The following ATRNL1 variants were observed in gnomAD, a reference collection of about 807,000 sequenced individuals.
ATRNL1 encodes attractin like 1.
A neutral mutation model predicts 182.7 loss-of-function variants in ATRNL1; 95 were observed. That is an observed-to-expected ratio of 0.52 (90% confidence interval 0.44 to 0.62). The LOEUF is 0.62. Among genes scored for constraint, ATRNL1 ranks in the 20% least tolerant of loss-of-function variants. The pLI, the probability that ATRNL1 is intolerant of heterozygous loss-of-function variation, is 0.00. For synonymous variants in ATRNL1, 576 were observed against 568.3 expected (o/e 1.01, Z -0.19); for missense variants, 1,471 against 1,679.5 (o/e 0.88, Z 2.17).
At chr10:115,489,679 A>G (rs1448430088) in intron 24 of ATRNL1, among the ~76,000 whole-genome samples, 1 of 152,066 alleles carries the variant, frequency 6.6e-6, no homozygotes, top group African/African-American at 2.4e-5. Flanking sequence ...ACTCTATCCA[A>G]TTTGCCAGTC....
intron 28 of ATRNL1, among the ~76,000 whole-genome samples, chr10:115,913,994 C>T (rs1384838071): frequency 6.6e-6 from 1 of 152,094 alleles, no homozygotes; most frequent in South Asian, 2.1e-4. Flanking sequence ...CTAATCCCCA[C>T]GTTTTGGGGG....
intron 26 of ATRNL1, among the ~76,000 whole-genome samples, chr10:115,616,517 G>A (rs1366774587): frequency 6.6e-6 from 1 of 152,148 alleles, no homozygotes; most frequent in Admixed American, 6.5e-5. Flanking sequence ...CCAAGACAAT[G>A]GGAAAAATTC....
At chr10:115,277,472 A>T (rs1223883356) in intron 13 of ATRNL1, among the ~76,000 whole-genome samples, 1 of 152,124 alleles carries the variant, frequency 6.6e-6, no homozygotes, top group East Asian at 1.9e-4. Flanking sequence ...AATAAATTTT[A>T]TCTATAGGAT....
At chr10:115,097,061 G>A (rs1270902304) in intron 1 of ATRNL1, among the ~76,000 whole-genome samples, 3 of 152,130 alleles carry the variant, frequency 2.0e-5, no homozygotes, top group South Asian at 2.1e-4. Context: ...AATTAATTTT[G>A]TAGAGTAGAG....
chr10:115,353,262 G>T (rs191254630), intron 19 of ATRNL1, among the ~76,000 whole-genome samples: 4 of 152,286 alleles, frequency 2.6e-5, no homozygotes, highest in Admixed American at 2.0e-4. Context: ...TTTTGTGCAA[G>T]AAATATTTGC....
Position 115,469,305 on chromosome 10 carries a change from CT to C in ATRNL1, c.3634del (p.Ser1212ProfsTer73). Reference protein sequence around the residue: ...NITFYVYVSNFSWPIKIQIAF... With the variant: ...NITFYVYVSNXSWPIKIQIAF... The stretch of plus-strand genomic sequence containing the variant: ...TTACATTCTATGTGTACGTCAGCAA[CT>C]TTTCCTGGCCTATTAAAATACAGGT... On this transcript the variant is annotated frameshift_variant, in exon 24 of 29. Transcript: ENST00000355044. LOFTEE classifies it high-confidence loss of function. The C allele has an allele frequency of 6.5e-7, 1 of 1,529,224 alleles. No homozygotes were observed. The highest frequency in any genetic ancestry group is 2.3e-5 in the Admixed American group (1 of 43,018). The allele number at this position is 1,529,224 out of a possible 1,614,324, so 94.7% of individuals were successfully genotyped here.
Position 115,215,733 on chromosome 10 carries a change from C to T in ATRNL1, c.1385C>T (p.Ala462Val). The change falls in exon 9 of 29, where the codon GCT (alanine) becomes GTT (valine). Residue 462 changes from alanine to valine, a missense_variant. Ala to Val is a moderately conservative substitution (Grantham distance 64). Around this residue, in one of 3 missense-constraint regions of ATRNL1, gnomAD observed 1,031 missense variants for 1,156.0 expected, o/e 0.89. Coordinates refer to ENST00000355044, the MANE Select transcript of ATRNL1 (RefSeq NM_207303.4). Reference protein sequence around the residue: ...NTWLVPETKGAIVQGGYGHTS... With the variant: ...NTWLVPETKGVIVQGGYGHTS... ...TGGCTTGTTCCAGAAACTAAAGGAGCTATTGTACAAGGTGGATATGGCCAT... is the reference window on the plus strand; with the variant it reads ...TGGCTTGTTCCAGAAACTAAAGGAGTTATTGTACAAGGTGGATATGGCCAT... 1 of 1,601,006 alleles carries T rather than the reference C, an allele frequency of 6.2e-7. No individual in the cohort carries two copies. The highest frequency in any genetic ancestry group is 8.5e-7 in the Non-Finnish European group (1 of 1,175,614).
chr10:115,118,615 T>A (rs1844593953), intron 1 of ATRNL1, among the ~76,000 whole-genome samples: 1 of 152,136 alleles, frequency 6.6e-6, no homozygotes. Context: ...AAGTGCCCTG[T>A]TGTTTCTTTG....
At chr10:115,389,953 G>A (rs923087436) in intron 19 of ATRNL1, among the ~76,000 whole-genome samples, 60 of 152,112 alleles carry the variant, frequency 3.9e-4, no homozygotes, top group African/African-American at 1.4e-3. Flanking sequence ...ATTAGTGATA[G>A]TGAACAGTTT....
intron 18 of ATRNL1, among the ~76,000 whole-genome samples, chr10:115,322,090 C>G (rs1042573704): frequency 2.6e-5 from 4 of 151,942 alleles, no homozygotes; most frequent in African/African-American, 9.7e-5. Flanking sequence ...TTAACATATA[C>G]ATTTTAACTT....
intron 27 of ATRNL1, among the ~76,000 whole-genome samples, chr10:115,792,866 G>A (rs1555082070): frequency 6.6e-6 from 1 of 151,668 alleles, no homozygotes; most frequent in East Asian, 1.9e-4. Context: ...AAATATAACT[G>A]AAATATCTAT....
intron 21 of ATRNL1, among the ~76,000 whole-genome samples, chr10:115,442,270 G>GCTCTCT (rs71895625): frequency 0.021 from 2,101 of 100,416 alleles, 137 homozygotes; most frequent in African/African-American, 0.081. Flanking sequence ...ATTTGTGTTT[G>GCTCTCT]CTCTCTCTCT....
intron 19 of ATRNL1, among the ~76,000 whole-genome samples, chr10:115,371,875 C>T (rs1245887502): frequency 2.0e-5 from 3 of 152,082 alleles, no homozygotes; most frequent in African/African-American, 4.8e-5. Flanking sequence ...TTGTAGCCCC[C>T]GTAATTCCCA....
chr10:115,765,840 C>T (rs1948844332), intron 27 of ATRNL1, among the ~76,000 whole-genome samples: 3 of 152,124 alleles, frequency 2.0e-5, no homozygotes, highest in Admixed American at 2.0e-4. Flanking sequence ...CTTGTAATGG[C>T]TGTATAGTGT....
chr10:115,934,077 C>T (rs1555122307), intron 28 of ATRNL1, among the ~76,000 whole-genome samples: 3 of 152,086 alleles, frequency 2.0e-5, no homozygotes, highest in African/African-American at 7.2e-5. Flanking sequence ...TTCTGCCTAC[C>T]ATCTAGATGC....
chr10:115,717,648 T>C (rs1272252785), intron 26 of ATRNL1, among the ~76,000 whole-genome samples: 1 of 143,064 alleles, frequency 7.0e-6, no homozygotes, highest in Non-Finnish European at 1.5e-5. Flanking sequence ...ACATCCCGGG[T>C]TAAAGCGATT....
intron 9 of ATRNL1, among the ~76,000 whole-genome samples, chr10:115,230,847 T>A (rs1406118142): frequency 1.6e-5 from 2 of 126,636 alleles, no homozygotes; most frequent in African/African-American, 6.3e-5. Context: ...TTGAAAAAAC[T>A]AGGGGACTGG....
At chr10:115,133,534 C>G (rs1405740562) in intron 5 of ATRNL1, among the ~76,000 whole-genome samples, 2 of 151,994 alleles carry the variant, frequency 1.3e-5, no homozygotes, top group African/African-American at 4.8e-5. Context: ...ACAGGAGCAC[C>G]CAGATTCATA....
chr10:115,094,578 C>CT (rs2084965919), intron 1 of ATRNL1, among the ~76,000 whole-genome samples: 1 of 152,152 alleles, frequency 6.6e-6, no homozygotes, highest in African/African-American at 2.4e-5. Context: ...TTATGATGGA[C>CT]TTGCTAAGTG....
Sources: gnomAD v4.1 joint callset for allele counts (sites outside exome capture counted in the v4.1 genomes callset) on GRCh38, gnomAD v4.1.1 for gene constraint, gnomAD v4.1.1 regional missense constraint, MANE v1.5 for transcripts, NCBI Gene and HGNC (gene_info 2026-07-23, HGNC 2026-07-21) for gene names.